LRCH3: variants seen among roughly 807,000 people sequenced by gnomAD.
LRCH3 encodes the protein DISP complex protein LRCH3.
In LRCH3, 68 loss-of-function variants were observed where a neutral mutation model predicts 104.5. The ratio of observed to expected loss-of-function variants is 0.65; its 90% CI spans 0.54 to 0.80. The LOEUF (loss-of-function observed/expected upper bound fraction) is 0.80, where lower values mean the gene tolerates loss of function less well. Ranked by LOEUF, LRCH3 falls within the 30% of genes least tolerant of loss-of-function variation. The pLI, the probability that LRCH3 is intolerant of heterozygous loss-of-function variation, is 0.00. For synonymous variants in LRCH3, 344 were observed against 361.3 expected (o/e 0.95, Z 0.54); for missense variants, 951 against 953.9 (o/e 1.00, Z 0.04).
intron 17 of LRCH3, among the ~76,000 whole-genome samples, chr3:197,868,599 C>CCTGA (rs1199952505): frequency 6.6e-6 from 1 of 152,126 alleles, no homozygotes; most frequent in Non-Finnish European, 1.5e-5. Context: ...GAATGTCCAT[C>CCTGA]AAGAGAATGG....
intron 20 of LRCH3, chr3:197,882,939 T>G: frequency 2.0e-6 from 2 of 985,386 alleles, no homozygotes; most frequent in Non-Finnish European, 2.4e-6. Context: ...AGACAGGCCC[T>G]TCCATGAATT....
At chr3:197,796,446 T>G (rs1731219111) in intron 1 of LRCH3, among the ~76,000 whole-genome samples, 1 of 152,236 alleles carries the variant, frequency 6.6e-6, no homozygotes, top group Non-Finnish European at 1.5e-5. Context: ...TACACTGAGA[T>G]CATACTGGAC....
intron 4 of LRCH3, among the ~76,000 whole-genome samples, chr3:197,821,812 C>A (rs1734522382): frequency 1.3e-5 from 2 of 152,156 alleles, no homozygotes; most frequent in Non-Finnish European, 2.9e-5. Context: ...GTAGCTTAGA[C>A]TACAGGCACT....
At chr3:197,805,790 G>A (rs1031972816) in intron 1 of LRCH3, among the ~76,000 whole-genome samples, 3 of 152,058 alleles carry the variant, frequency 2.0e-5, no homozygotes, top group Non-Finnish European at 4.4e-5. Context: ...AAAATCTAGG[G>A]GAAAAGAGAA....
In LRCH3 at chr3:197,877,489, GGCA is replaced by G. The variant is rs1713020676; in HGVS notation, c.2208+1716_2208+1718del. 1.8e-5 allele frequency among the ~76,000 whole-genome samples: 2 copies of G among 112,234 alleles called. 1 individual carries two copies. The highest frequency in any genetic ancestry group is 7.0e-5 in the African/African-American group (2 of 28,434). 73.6% of individuals were successfully genotyped at this position (112,234 alleles called of 152,430 possible). ...TCTTTACCCAACTCACCGCACCCAT[GGCA>G]GTGATTCTCTTTACCCAACTCACCG... On this transcript the variant is annotated intron_variant, in intron 20 of 20. Transcript: ENST00000425562.
chr3:197,835,427 A>G (rs1736631972), intron 8 of LRCH3, among the ~76,000 whole-genome samples: 1 of 144,774 alleles, frequency 6.9e-6, no homozygotes. Context: ...CAGGTGATCC[A>G]CTCACCACCT....
rs879352869 is a variant in LRCH3, at chr3:197,876,805, GACA to G, written c.2208+1031_2208+1033del. Among the ~76,000 whole-genome samples, 1,085 of 143,642 alleles carry G rather than the reference GACA, an allele frequency of 7.6e-3. 10 individuals carry two copies. The highest frequency in any genetic ancestry group is 8.3e-3 in the Non-Finnish European group (534 of 64,354). 94.2% of individuals were successfully genotyped at this position (143,642 alleles called of 152,430 possible). ...TGGTTCCTGTTCCTGTAGCTTCCAT[GACA>G]GTGATTCTCTTTACCCAACTCACCG... is the stretch of plus-strand genomic sequence containing the variant. On this transcript the variant is annotated intron_variant, in intron 20 of 20. Coordinates refer to ENST00000425562, the MANE Select transcript of LRCH3 (RefSeq NM_001365715.1).
Position 197,866,101 on chromosome 3 carries a change from T to C in LRCH3, c.1766-11T>C, listed in dbSNP as rs765155778. ...TCCTTTAATCTCATTTTATTTTTCA[T>C]GCTAATTTAGTTCATCATTCCCCTG... is the stretch of plus-strand genomic sequence containing the variant. On this transcript the variant is annotated splice_polypyrimidine_tract_variant and intron_variant, in intron 16 of 20. Transcript: ENST00000425562. 6.3e-7 allele frequency: 1 copy of C among 1,580,228 alleles called. No homozygotes were observed. Among genetic ancestry groups the C allele is most frequent in the South Asian group, 1.1e-5 (1 of 90,376 alleles).
At chr3:197,830,287 G>T (rs1409940091) in intron 6 of LRCH3, among the ~76,000 whole-genome samples, 2 of 152,092 alleles carry the variant, frequency 1.3e-5, no homozygotes, top group East Asian at 3.8e-4. Context: ...TTACTATGTT[G>T]CCCAGCCTGG....
In LRCH3 at chr3:197,877,667, C is replaced by T. The variant is rs547015784; in HGVS notation, c.2208+1892C>T. Among the ~76,000 whole-genome samples the T allele has an allele frequency of 5.9e-5, 9 of 152,348 alleles. No individual in the cohort carries two copies. In the South Asian group the frequency reaches 1.9e-3, roughly 32 times the overall value. On this transcript the variant is annotated intron_variant, in intron 20 of 20. Coordinates refer to ENST00000425562, the MANE Select transcript of LRCH3 (RefSeq NM_001365715.1). ...AAAGTGAAAGAGAGAGCGCCCAGCT[C>T]CACAGATCATCTGTGTCAGCCAGCA...
At position 197,884,187 on chromosome 3, in the gene LRCH3, C is replaced by G. The variant is rs547941720; in HGVS notation, c.*521C>G. On this transcript the variant is annotated 3_prime_UTR_variant, in exon 21 of 21. Transcript: ENST00000425562. ...TGTTTTTGTTGGAGAAGGAGTTCTG[C>G]TCAGTCGCCCAGGCTAGAGTGCAGT... The G allele has an allele frequency of 6.5e-6, 1 of 152,750 alleles. No individual in the cohort carries two copies. Among genetic ancestry groups the G allele is most frequent in the South Asian group, 2.1e-4 (1 of 4,854 alleles). The allele number at this position is 152,750 out of a possible 1,614,324, so 9.5% of individuals were successfully genotyped here. A position where few individuals can be genotyped will look rare whatever the true frequency, so the allele number is the denominator to read the frequency against.
At position 197,827,017 on chromosome 3, in the gene LRCH3, A is replaced by G; in HGVS notation, c.777+3A>G. The G allele has an allele frequency of 6.2e-7, 1 of 1,613,068 alleles. No homozygotes were observed. The highest frequency in any genetic ancestry group is 8.5e-7 in the Non-Finnish European group (1 of 1,179,708). ...CACTACAATCACCTCCTGCACAGGTAAACCATAGTGGAAGCATCAGGTAAA... is the reference window on the plus strand; with the variant it reads ...CACTACAATCACCTCCTGCACAGGTGAACCATAGTGGAAGCATCAGGTAAA... On this transcript the variant is annotated splice_donor_region_variant and intron_variant, in intron 5 of 20. Transcript: ENST00000425562.
At chr3:197,871,621 C>A in intron 19 of LRCH3, 159 bp downstream of exon 19, 1 of 894,276 alleles carries the variant, frequency 1.1e-6, no homozygotes, top group Non-Finnish European at 1.7e-6. Flanking sequence ...AAGAAATAGA[C>A]ATGTATACAG....
At chr3:197,869,910 C>G (rs1270748905) in intron 17 of LRCH3, among the ~76,000 whole-genome samples, 1 of 150,512 alleles carries the variant, frequency 6.6e-6, no homozygotes, top group African/African-American at 2.5e-5. Context: ...AGGTAGAAAG[C>G]CATGCACTGT....
Position 197,791,458 on chromosome 3 carries a change from G to C in LRCH3, c.180G>C (p.Gly60=), listed in dbSNP as rs561675482. Residue 60 remains glycine, a synonymous_variant, in exon 1 of 21, where the codon GGG becomes GGC. Coordinates refer to ENST00000425562, the MANE Select transcript of LRCH3 (RefSeq NM_001365715.1). The part of the protein sequence containing the change: ...DRALEEAAVT[G]VLSLSGRKLR... ...CCCTGGAGGAGGCGGCGGTCACTGG[G>C]GTGCTGAGCCTGAGCGGCCGGAAAC... 4 of 1,600,300 alleles carry C rather than the reference G, an allele frequency of 2.5e-6. No homozygotes were observed. Among genetic ancestry groups the C allele is most frequent in the East Asian group, 4.5e-5 (2 of 44,040 alleles).
At chr3:197,791,658 AC>A in intron 1 of LRCH3, 118 bp downstream of exon 1, 1 of 1,197,126 alleles carries the variant, frequency 8.4e-7, no homozygotes, top group Non-Finnish European at 1.1e-6. Flanking sequence ...CCGGGTCCGG[AC>A]CCGGGTAACG....
rs1733032745 is a variant in LRCH3, at chr3:197,810,772, C to A, written c.263-4136C>A. 6.6e-6 allele frequency among the ~76,000 whole-genome samples: 1 copy of A among 151,384 alleles called. No homozygotes were observed. The highest frequency in any genetic ancestry group is 2.4e-5 in the African/African-American group (1 of 41,142). On this transcript the variant is annotated intron_variant, in intron 1 of 20. Transcript: ENST00000425562. This position sits in a 1 kb window ranked among gnomAD's most constrained non-coding sequence, Gnocchi z 4.0. The stretch of plus-strand genomic sequence containing the variant: ...GAAAAAGTACATTTGTTTCATCTTC[C>A]CAGAAGCGGAAGTCACTAAAATGGC...
chr3:197,795,933 C>T (rs897763399), intron 1 of LRCH3, among the ~76,000 whole-genome samples: 7 of 151,798 alleles, frequency 4.6e-5, no homozygotes, highest in East Asian at 3.9e-4. Flanking sequence ...CCTTGTGATC[C>T]GCCCGCCTTG....
At chr3:197,797,865 A>C (rs776709412) in intron 1 of LRCH3, among the ~76,000 whole-genome samples, 273 of 16,218 alleles carry the variant, frequency 0.017, 1 homozygote, top group Non-Finnish European at 0.029. Context: ...ATCTCAAAAA[A>C]AAAAAAAACA....
Sources: gnomAD v4.1 joint callset for allele counts (sites outside exome capture counted in the v4.1 genomes callset) on GRCh38, gnomAD v4.1.1 for gene constraint, Gnocchi (gnomAD v3.1) non-coding constraint, MANE v1.5 for transcripts, NCBI Gene and HGNC (gene_info 2026-07-23, HGNC 2026-07-21) for gene names.